Variants in TGFBR3 observed in about 807,000 individuals in gnomAD.
The protein encoded by TGFBR3 is transforming growth factor beta receptor 3.
Under a neutral mutation model 87.9 loss-of-function variants are expected in TGFBR3, and 46 were observed. The ratio of observed to expected loss-of-function variants is 0.52; its 90% confidence interval spans 0.41 to 0.67. The LOEUF (loss-of-function observed/expected upper bound fraction) is 0.67. TGFBR3 is among the 30% of genes least tolerant of loss of function. The pLI is 0.00. For missense variants in TGFBR3, 866 were observed against 1,041.9 expected (o/e 0.83, Z 2.32); for synonymous variants, 381 against 391.6 (o/e 0.97, Z 0.32).
In TGFBR3 at chr1:91,729,848, C is replaced by T. The variant is rs939563832; in HGVS notation, c.694G>A (p.Val232Ile). 1 of 1,614,176 alleles carries T rather than the reference C, an allele frequency of 6.2e-7. No individual in the cohort carries two copies. Among genetic ancestry groups the T allele is most frequent in the African/African-American group, 1.3e-5 (1 of 75,014 alleles). ...GGGGTGATTAGCTCGATGATGTGTA[C>T]TTCCTCATTCTGGGGCTGGCTGGAC... is the stretch of plus-strand genomic sequence containing the variant. ...VMSSQPQNEE[V>I]HIIELITPNS... The change falls in exon 6 of 17, where the codon GTA becomes ATA. Residue 232 changes from valine (V) to isoleucine (I), a missense_variant. Val to Ile is a conservative substitution (Grantham distance 29). Transcript: ENST00000212355.
Position 91,758,732 on chromosome 1 carries a change from G to A in TGFBR3, c.265C>T (p.Pro89Ser). The change falls in exon 4 of 17, where the codon CCC becomes TCC. Residue 89 changes from proline (P) to serine (S), a missense_variant. Physicochemically the swap from Pro to Ser is moderately conservative, Grantham distance 74. Coordinates refer to ENST00000212355, the MANE Select transcript of TGFBR3 (RefSeq NM_003243.5). ...LQREVTLHLN[P>S]ISSVHIHHKS... Reference sequence around the variant, plus strand: ...TGGTGGATGTGGACTGAGGAGATGGGATTCAGGTGAAGTGTGACCTAGGAA... The same window carrying A: ...TGGTGGATGTGGACTGAGGAGATGGAATTCAGGTGAAGTGTGACCTAGGAA... 6.2e-7 allele frequency: 1 copy of A among 1,613,964 alleles called. No individual in the cohort carries two copies. The highest frequency in any genetic ancestry group is 8.5e-7 in the Non-Finnish European group (1 of 1,179,900).
chr1:91,894,218 T>C (rs1365558936), intron 2 of TGFBR3, among the ~76,000 whole-genome samples: 1 of 152,186 alleles, frequency 6.6e-6, no homozygotes, highest in East Asian at 1.9e-4. Context: ...GAACTGGCCT[T>C]GCTTCCTCCA....
At chr1:91,904,019 C>CA (rs954939008) in intron 1 of TGFBR3, among the ~76,000 whole-genome samples, 8 of 151,500 alleles carry the variant, frequency 5.3e-5, no homozygotes, top group Admixed American at 2.6e-4. Flanking sequence ...ACTAAAAATA[C>CA]AAAAAAAATT....
chr1:91,795,629 A>C (rs557047469), intron 3 of TGFBR3, among the ~76,000 whole-genome samples: 5 of 152,258 alleles, frequency 3.3e-5, no homozygotes, highest in African/African-American at 1.2e-4. Flanking sequence ...TTTCCCTCTG[A>C]GTTCCTCTGA....
intron 3 of TGFBR3, among the ~76,000 whole-genome samples, chr1:91,767,829 T>C (rs1674231950): frequency 6.6e-6 from 1 of 152,076 alleles, no homozygotes; most frequent in South Asian, 2.1e-4. Flanking sequence ...TCTCAATTCT[T>C]TCTGGAAGGA....
intron 3 of TGFBR3, among the ~76,000 whole-genome samples, chr1:91,780,691 C>T (rs1335391588): frequency 1.3e-5 from 2 of 150,572 alleles, no homozygotes; most frequent in African/African-American, 4.9e-5. Context: ...TCCCAAGTAG[C>T]TGAGAATACA....
upstream of TGFBR3, among the ~76,000 whole-genome samples, chr1:91,889,444 T>A (rs933321356): frequency 1.3e-5 from 2 of 152,204 alleles, no homozygotes; most frequent in Non-Finnish European, 2.9e-5. Flanking sequence ...CTCTTTTTTT[T>A]AATTCTGAGC....
At chr1:91,779,467 C>T (rs1395915451) in intron 3 of TGFBR3, among the ~76,000 whole-genome samples, 1 of 152,230 alleles carries the variant, frequency 6.6e-6, no homozygotes, top group African/African-American at 2.4e-5. Flanking sequence ...CCAGATCTTG[C>T]ACTCCTAAGA....
Position 91,795,890 on chromosome 1 carries a change from T to A in TGFBR3, c.246+1397A>T, listed in dbSNP as rs531222143. Among the ~76,000 whole-genome samples the A allele has an allele frequency of 5.2e-3, 789 of 152,282 alleles. 3 individuals carry two copies. Among genetic ancestry groups the A allele is most frequent in the Non-Finnish European group, 7.7e-3 (527 of 68,010 alleles). On this transcript the variant is annotated intron_variant, in intron 3 of 16. Transcript: ENST00000212355. ...GTTGCTGGAAAGGTTAGATGATCTG[T>A]CTTTGAAATGAGCCAACTCTGCACA...
At chr1:91,800,330 A>ATGTGTG (rs371979320) in intron 2 of TGFBR3, among the ~76,000 whole-genome samples, 5,162 of 136,074 alleles carry the variant, frequency 0.038, 151 homozygotes, top group African/African-American at 0.074. Flanking sequence ...ATATGTGTAT[A>ATGTGTG]TGTGTGTGTG....
At chr1:91,779,618 C>T (rs556410310) in intron 3 of TGFBR3, among the ~76,000 whole-genome samples, 1 of 152,170 alleles carries the variant, frequency 6.6e-6, no homozygotes, top group Admixed American at 6.5e-5. Context: ...TGAGCAAACA[C>T]AGGAAGTCAT....
chr1:91,834,764 C>T (rs1282417057), intron 2 of TGFBR3, among the ~76,000 whole-genome samples: 3 of 152,176 alleles, frequency 2.0e-5, no homozygotes, highest in South Asian at 4.1e-4. Context: ...CTGCAGCCTC[C>T]GCCTCCTGGG....
intron 3 of TGFBR3, among the ~76,000 whole-genome samples, chr1:91,791,177 C>A (rs1023108378): frequency 2.0e-5 from 3 of 152,050 alleles, no homozygotes; most frequent in Admixed American, 6.6e-5. Context: ...TCTCTCTTAC[C>A]ACACAGTTAA....
chr1:91,892,825 G>A (rs193166478), intron 2 of TGFBR3, among the ~76,000 whole-genome samples: 76 of 152,294 alleles, frequency 5.0e-4, no homozygotes, highest in African/African-American at 1.5e-3. Flanking sequence ...AACTATATAT[G>A]TGTATTACTA....
Position 91,683,775 on chromosome 1 carries a change from C to T in TGFBR3, c.2520G>A (p.Thr840=), listed in dbSNP as rs17878885. The T allele has an allele frequency of 1.2e-5, 20 of 1,601,410 alleles. No homozygotes were observed. The highest frequency in any genetic ancestry group is 5.6e-5 in the South Asian group (5 of 89,050). Reference sequence around the variant, plus strand: ...TGCTGCTGGAGCAAGGCGTGCTCTGCGTGCTGCCGATGCTGTGGGCAGCAC... The same window carrying T: ...TGCTGCTGGAGCAAGGCGTGCTCTGTGTGCTGCCGATGCTGTGGGCAGCAC... ...NSSAAHSIGS[T]QSTPCSSSST... The change falls in exon 17 of 17, where the codon ACG becomes ACA. Residue 840 remains threonine, a synonymous_variant. Transcript: ENST00000212355.
intron 4 of TGFBR3, among the ~76,000 whole-genome samples, chr1:91,737,329 AGTTTTAGAAGGTGTT>A (rs1673000361): frequency 1.3e-5 from 2 of 152,240 alleles, no homozygotes; most frequent in South Asian, 4.2e-4. Flanking sequence ...GCTACAGCTG[AGTTTTAGAAGGTGTT>A]GTTTTAGAAG....
upstream of TGFBR3, among the ~76,000 whole-genome samples, chr1:91,888,807 C>T (rs1250703932): frequency 2.0e-5 from 3 of 152,216 alleles, no homozygotes; most frequent in Non-Finnish European, 4.4e-5. Flanking sequence ...GATGAAGTGA[C>T]TGGTCCCCGT....
rs1240164259 is a variant in TGFBR3 at position 91,698,076 on chromosome 1, C to T, written c.2329+13G>A. The T allele has an allele frequency of 6.2e-7, 1 of 1,613,304 alleles. No homozygotes were observed. Among genetic ancestry groups the T allele is most frequent in the African/African-American group, 1.3e-5 (1 of 74,906 alleles). ...AGGAGGTTTTATTTCGAAATAGTTG[C>T]ATAAAGACTTACGTGGAGAAATTGG... On this transcript the variant is annotated intron_variant, in intron 15 of 16. Transcript: ENST00000212355.
intron 2 of TGFBR3, among the ~76,000 whole-genome samples, chr1:91,836,209 T>A (rs1044604005): frequency 1.3e-5 from 2 of 152,112 alleles, no homozygotes; most frequent in Admixed American, 6.6e-5. Context: ...ATTGCACCAT[T>A]GCACTCCAGC....
Sources: gnomAD v4.1 joint callset for allele counts (sites outside exome capture counted in the v4.1 genomes callset) on GRCh38, gnomAD v4.1.1 for gene constraint, MANE v1.5 for transcripts, NCBI Gene and HGNC (gene_info 2026-07-23, HGNC 2026-07-21) for gene names.